PTPRM: variants seen among roughly 807,000 people sequenced by gnomAD.
PTPRM encodes the protein receptor-type tyrosine-protein phosphatase mu.
A neutral mutation model predicts 186.7 loss-of-function variants in PTPRM; 47 were observed. The observed-to-expected ratio is 0.25, with a 90% CI of 0.20 to 0.32. The LOEUF (loss-of-function observed/expected upper bound fraction) is 0.32, where lower values mean the gene tolerates loss of function less well. Ranked by LOEUF, PTPRM falls within the 10% of genes least tolerant of loss-of-function variation. The pLI, the probability that PTPRM is intolerant of heterozygous loss-of-function variation, is 1.00. For synonymous variants in PTPRM, 668 were observed against 674.9 expected (o/e 0.99, Z 0.16); for missense variants, 1,494 against 1,865.0 (o/e 0.80, Z 3.66).
intron 2 of PTPRM, among the ~76,000 whole-genome samples, chr18:7,883,057 G>A (rs2048588345): frequency 6.6e-6 from 1 of 152,168 alleles, no homozygotes; most frequent in Non-Finnish European, 1.5e-5. Flanking sequence ...TCTAAAGGCT[G>A]TCCCTTTTTG....
chr18:7,801,194 G>A (rs1391237729), intron 2 of PTPRM, among the ~76,000 whole-genome samples: 1 of 151,286 alleles, frequency 6.6e-6, no homozygotes, highest in Non-Finnish European at 1.5e-5. Context: ...AAAAAACTTT[G>A]ACTTTTGTAA....
At chr18:7,952,131 A>G (rs1220005252) in intron 6 of PTPRM, among the ~76,000 whole-genome samples, 1 of 152,234 alleles carries the variant, frequency 6.6e-6, no homozygotes, top group Non-Finnish European at 1.5e-5. Flanking sequence ...TCTATATTTC[A>G]TATGTAAACA....
At chr18:7,846,488 T>C (rs977800063) in intron 2 of PTPRM, among the ~76,000 whole-genome samples, 3 of 152,330 alleles carry the variant, frequency 2.0e-5, no homozygotes, top group African/African-American at 7.2e-5. Flanking sequence ...GCAACTGGTG[T>C]CCTATGCTGT....
At chr18:8,358,138 C>A (rs942999458) in intron 23 of PTPRM, among the ~76,000 whole-genome samples, 1 of 150,758 alleles carries the variant, frequency 6.6e-6, no homozygotes, top group Non-Finnish European at 1.5e-5. Flanking sequence ...TATTCCCCCC[C>A]CCACACACAC....
intron 7 of PTPRM, among the ~76,000 whole-genome samples, chr18:8,017,106 T>G (rs1420112949): frequency 6.6e-6 from 1 of 152,234 alleles, no homozygotes; most frequent in East Asian, 1.9e-4. Context: ...AGTATTTATT[T>G]TAAGCATGTC....
At chr18:8,240,765 G>T (rs8088155) in intron 14 of PTPRM, among the ~76,000 whole-genome samples, 1 of 102,092 alleles carries the variant, frequency 9.8e-6, no homozygotes, top group Non-Finnish European at 1.8e-5. Context: ...AGGGAGGGAG[G>T]GAGAGAGAGA....
At chr18:8,402,328 G>C (rs2095876589) in intron 32 of PTPRM, among the ~76,000 whole-genome samples, 1 of 152,156 alleles carries the variant, frequency 6.6e-6, no homozygotes, top group Admixed American at 6.5e-5. Flanking sequence ...GATAAGGTGG[G>C]AGAGGGAGAA....
chr18:8,199,365 C>G (rs1247275696), intron 14 of PTPRM, among the ~76,000 whole-genome samples: 1 of 152,126 alleles, frequency 6.6e-6, no homozygotes, highest in Non-Finnish European at 1.5e-5. Context: ...TCACTCATAT[C>G]CTGCTTCAGG....
chr18:8,289,559 T>TATAC (rs1256648440), intron 19 of PTPRM, among the ~76,000 whole-genome samples: 1 of 101,176 alleles, frequency 9.9e-6, no homozygotes. Flanking sequence ...TACATATATA[T>TATAC]ACACATATAT....
intron 19 of PTPRM, among the ~76,000 whole-genome samples, chr18:8,254,325 A>G (rs2094555096): frequency 6.6e-6 from 1 of 152,252 alleles, no homozygotes; most frequent in Non-Finnish European, 1.5e-5. Context: ...TCATTCAAGA[A>G]TTGAAGAGAA....
At position 7,926,608 on chromosome 18, in the gene PTPRM, T is replaced by C; in HGVS notation, c.588T>C (p.Val196=). 6.2e-7 allele frequency: 1 copy of C among 1,613,692 alleles called. No individual in the cohort carries two copies. The highest frequency in any genetic ancestry group is 2.2e-5 in the East Asian group (1 of 44,864). ...TCCTGCGGATTCAGAATGTGGAAGT[T>C]AATGCTGGCCAGTTTGCTACCTTCC... ...PHFLRIQNVE[V]NAGQFATFQC... The change falls in exon 5 of 33, where the codon GTT becomes GTC. Residue 196 remains valine (V), a synonymous_variant. Transcript: ENST00000580170.
intron 14 of PTPRM, among the ~76,000 whole-genome samples, chr18:8,240,779 A>AGG (rs1479630769): frequency 0.011 from 315 of 29,354 alleles, 1 homozygote; most frequent in Non-Finnish European, 0.016. Context: ...AGAGAGAGGG[A>AGG]GAGAGAGAGA....
intron 3 of PTPRM, among the ~76,000 whole-genome samples, chr18:7,900,742 CCCTGA>C (rs1214504132): frequency 6.6e-6 from 1 of 152,152 alleles, no homozygotes; most frequent in Non-Finnish European, 1.5e-5. Flanking sequence ...GTCATCTTAT[CCCTGA>C]AAGGGAGCTA....
chr18:8,167,947 G>T (rs2093347063), intron 14 of PTPRM, among the ~76,000 whole-genome samples: 1 of 152,178 alleles, frequency 6.6e-6, no homozygotes, highest in African/African-American at 2.4e-5. Context: ...TGCCATTTTG[G>T]CTGGCATTAG....
At chr18:8,183,362 G>A (rs1440777928) in intron 14 of PTPRM, among the ~76,000 whole-genome samples, 1 of 152,010 alleles carries the variant, frequency 6.6e-6, no homozygotes, top group Non-Finnish European at 1.5e-5. Context: ...CACCATTGTT[G>A]CTCATAATAT....
chr18:7,620,377 C>T (rs2037908962), intron 1 of PTPRM, among the ~76,000 whole-genome samples: 1 of 152,194 alleles, frequency 6.6e-6, no homozygotes, highest in Admixed American at 6.5e-5. Context: ...ACATGGAAAG[C>T]AGCTTCTGTT....
intron 2 of PTPRM, among the ~76,000 whole-genome samples, chr18:7,798,949 C>T (rs940277196): frequency 2.6e-5 from 4 of 152,194 alleles, no homozygotes; most frequent in African/African-American, 9.6e-5. Context: ...ATTACACAGA[C>T]TTGACAACTA....
rs146667060 is a variant in PTPRM at position 8,147,014 on chromosome 18, C to T, written c.2300+3235C>T. Among the ~76,000 whole-genome samples, 723 of 152,126 alleles carry T rather than the reference C, an allele frequency of 4.8e-3. 4 individuals are homozygous for T. The highest frequency in any genetic ancestry group is 0.016 in the African/African-American group (657 of 41,492). On this transcript the variant is annotated intron_variant, in intron 14 of 32. Coordinates refer to ENST00000580170, the MANE Select transcript of PTPRM (RefSeq NM_001105244.2). ...GTTCTGTTCCATTGGCCTATATATCCGTTTTGATACCAGTACCATGCTGTT... is the reference window on the plus strand; with the variant it reads ...GTTCTGTTCCATTGGCCTATATATCTGTTTTGATACCAGTACCATGCTGTT...
At chr18:8,200,470 C>A (rs2093839602) in intron 14 of PTPRM, among the ~76,000 whole-genome samples, 1 of 152,248 alleles carries the variant, frequency 6.6e-6, no homozygotes, top group African/African-American at 2.4e-5. Flanking sequence ...AGGCTCAGGG[C>A]TGGCCCTGTG....
Sources: allele counts gnomAD v4.1 joint callset (sites outside exome capture counted in the v4.1 genomes callset), GRCh38; gene constraint gnomAD v4.1.1; transcripts MANE v1.5; gene names NCBI Gene and HGNC (gene_info 2026-07-23, HGNC 2026-07-21).